COL25A1: variants seen among roughly 807,000 people sequenced by gnomAD.
COL25A1 encodes collagen type XXV alpha 1 chain.
COL25A1 carries 103 observed loss-of-function variants against 128.4 expected under a neutral mutation model. The ratio of observed to expected loss-of-function variants is 0.80; its 90% CI spans 0.68 to 0.94. COL25A1 has a LOEUF of 0.94. Ranked by LOEUF, COL25A1 falls within the 40% of genes least tolerant of loss-of-function variation. The pLI, the probability that COL25A1 is intolerant of heterozygous loss-of-function variation, is 0.00. For missense variants in COL25A1, 745 were observed against 840.0 expected, an observed-to-expected ratio of 0.89 and a Z score of 1.40; for synonymous variants, 279 against 277.2, an observed-to-expected ratio of 1.01 and a Z score of -0.06.
chr4:109,218,365 T>TTTGTTTG (rs996834731), intron 3 of COL25A1, among the ~76,000 whole-genome samples: 13 of 128,632 alleles, frequency 1.0e-4, no homozygotes, highest in African/African-American at 1.4e-4. Flanking sequence ...GGGTTTTTTT[T>TTTGTTTG]TTTTTTTTTT....
intron 3 of COL25A1, among the ~76,000 whole-genome samples, chr4:109,212,907 G>T (rs748700786): frequency 6.6e-6 from 1 of 152,132 alleles, no homozygotes; most frequent in Non-Finnish European, 1.5e-5. Context: ...GAGAGTATAA[G>T]AATTAGTGAC....
intron 3 of COL25A1, among the ~76,000 whole-genome samples, chr4:109,130,110 C>T (rs950043298): frequency 6.6e-6 from 1 of 151,072 alleles, no homozygotes. Flanking sequence ...ATCCATCTTT[C>T]CACAGAATAT....
intron 19 of COL25A1, among the ~76,000 whole-genome samples, chr4:108,873,816 G>GT (rs1299605347): frequency 4.6e-5 from 7 of 152,110 alleles, no homozygotes; most frequent in Non-Finnish European, 7.4e-5. Context: ...TCAGAACGGT[G>GT]TAAGATAGAA....
intron 11 of COL25A1, among the ~76,000 whole-genome samples, chr4:108,927,971 G>C (rs765246844): frequency 6.6e-6 from 1 of 151,868 alleles, no homozygotes; most frequent in African/African-American, 2.4e-5. Flanking sequence ...ATTACCTCTT[G>C]CCAGATATCC....
chr4:109,172,155 CT>C (rs1053028225), intron 3 of COL25A1, among the ~76,000 whole-genome samples: 2 of 152,120 alleles, frequency 1.3e-5, no homozygotes, highest in Non-Finnish European at 2.9e-5. Context: ...GCTTAAGCCT[CT>C]TTTTGCTTCT....
chr4:109,078,416 A>AT (rs1424532451), intron 3 of COL25A1, among the ~76,000 whole-genome samples: 1 of 152,174 alleles, frequency 6.6e-6, no homozygotes, highest in Non-Finnish European at 1.5e-5. Flanking sequence ...TCAAGTCTGC[A>AT]TTTTTCTTTA....
intron 3 of COL25A1, among the ~76,000 whole-genome samples, chr4:109,140,793 G>A (rs371468524): frequency 4.6e-5 from 7 of 152,178 alleles, no homozygotes; most frequent in African/African-American, 1.4e-4. Context: ...TGTATCCTGA[G>A]ACTTTGCTGA....
At chr4:108,852,214 A>C in intron 26 of COL25A1, 22 bp downstream of exon 26, 1 of 1,592,146 alleles carries the variant, frequency 6.3e-7, no homozygotes, top group Non-Finnish European at 8.6e-7. Flanking sequence ...TGATAAATGG[A>C]AACAAGTAAA....
chr4:109,125,447 T>G (rs1264880925), intron 3 of COL25A1, among the ~76,000 whole-genome samples: 2 of 152,162 alleles, frequency 1.3e-5, no homozygotes, highest in East Asian at 1.9e-4. Flanking sequence ...TATATTTTCA[T>G]GCTCACACTG....
At chr4:109,000,796 C>T (rs371726531) in intron 6 of COL25A1, among the ~76,000 whole-genome samples, 1 of 132,118 alleles carries the variant, frequency 7.6e-6, no homozygotes. Context: ...AACACTTTGT[C>T]AGGATTCAGA....
chr4:108,926,717 A>C (rs1218082372), intron 11 of COL25A1, among the ~76,000 whole-genome samples: 2 of 151,986 alleles, frequency 1.3e-5, no homozygotes, highest in Non-Finnish European at 2.9e-5. Context: ...TATCTTACTT[A>C]AGAAGGAATC....
intron 3 of COL25A1, among the ~76,000 whole-genome samples, chr4:109,277,817 C>T (rs1329110043): frequency 2.6e-5 from 4 of 152,074 alleles, no homozygotes; most frequent in African/African-American, 9.7e-5. Context: ...AATATAATTT[C>T]CCATTTCTAG....
intron 3 of COL25A1, among the ~76,000 whole-genome samples, chr4:109,093,457 G>GAAAAAAAAAAAAAA (rs564834752): frequency 4.0e-4 from 28 of 69,448 alleles, no homozygotes; most frequent in African/African-American, 1.7e-3. Context: ...CCATCTCTAT[G>GAAAAAAAAAAAAAA]AAAAAAAAAA....
chr4:109,111,741 G>A (rs1767044868), intron 3 of COL25A1, among the ~76,000 whole-genome samples: 2 of 152,066 alleles, frequency 1.3e-5, no homozygotes, highest in Admixed American at 1.3e-4. Flanking sequence ...CCATCACACA[G>A]CTTTCATTCT....
At chr4:108,990,860 C>G (rs562353519) in intron 6 of COL25A1, among the ~76,000 whole-genome samples, 1 of 152,278 alleles carries the variant, frequency 6.6e-6, no homozygotes, top group South Asian at 2.1e-4. Flanking sequence ...TCATACAGCT[C>G]ATAAGTGGTA....
intron 3 of COL25A1, among the ~76,000 whole-genome samples, chr4:109,193,054 C>G (rs1775754000): frequency 6.6e-6 from 1 of 152,054 alleles, no homozygotes; most frequent in Non-Finnish European, 1.5e-5. Context: ...TTGTGTAATA[C>G]TTTGTTATGG....
At chr4:109,279,402 T>C (rs1723157757) in intron 3 of COL25A1, among the ~76,000 whole-genome samples, 1 of 151,984 alleles carries the variant, frequency 6.6e-6, no homozygotes, top group Non-Finnish European at 1.5e-5. Flanking sequence ...AAATAAAGAC[T>C]CCATCTCTTC....
chr4:109,027,314 C>G (rs1758391962), intron 5 of COL25A1, among the ~76,000 whole-genome samples: 1 of 152,084 alleles, frequency 6.6e-6, no homozygotes, highest in African/African-American at 2.4e-5. Flanking sequence ...GAAAAACAAA[C>G]AGCAAGTGGT....
At chr4:109,298,897 T>G (rs181430424) in intron 3 of COL25A1, among the ~76,000 whole-genome samples, 1 of 152,190 alleles carries the variant, frequency 6.6e-6, no homozygotes, top group Non-Finnish European at 1.5e-5. Flanking sequence ...GAAATCTCCA[T>G]TTATTATTAC....
Sources: allele counts gnomAD v4.1 joint callset (sites outside exome capture counted in the v4.1 genomes callset), GRCh38; gene constraint gnomAD v4.1.1; transcripts MANE v1.5; gene names NCBI Gene and HGNC (gene_info 2026-07-23, HGNC 2026-07-21).